SLCO1C1: variants seen among roughly 807,000 people sequenced by gnomAD.
SLCO1C1 encodes the protein OAT-RP-5.
SLCO1C1 carries 70 observed loss-of-function variants against 76.4 expected under a neutral mutation model. That is an observed-to-expected ratio of 0.92 (90% CI 0.76 to 1.12). The LOEUF (loss-of-function observed/expected upper bound fraction) is 1.12. Among genes scored for constraint, SLCO1C1 ranks in the 50% most tolerant of loss-of-function variants. The probability of loss-of-function intolerance (pLI) is 0.00; values close to 1 mark genes in which losing one functional copy is unlikely to be tolerated. For synonymous variants in SLCO1C1, 306 were observed against 286.1 expected (o/e 1.07, Z -0.70); for missense variants, 912 against 823.8 (o/e 1.11, Z -1.31).
At chr12:20,704,332 A>G (rs1423206673) in intron 3 of SLCO1C1, among the ~76,000 whole-genome samples, 4 of 86,142 alleles carry the variant, frequency 4.6e-5, no homozygotes, top group Non-Finnish European at 1.0e-4. Context: ...TAGCTTGTAA[A>G]CAGAAGTGTT....
Position 20,740,331 on chromosome 12 carries a change from T to A in SLCO1C1, c.1696T>A (p.Ser566Thr). The A allele has an allele frequency of 6.2e-7, 1 of 1,613,658 alleles. No individual in the cohort carries two copies. Among genetic ancestry groups the A allele is most frequent in the Non-Finnish European group, 8.5e-7 (1 of 1,179,844 alleles). ...TTCAGTCATCACATCCTATACTTTA[T>A]CCCTAGGTGGCATACCTGGATACAT... is the stretch of plus-strand genomic sequence containing the variant. Reference protein sequence around the residue: ...VISVITSYTLSLGGIPGYILL... With the variant: ...VISVITSYTLTLGGIPGYILL... The change falls in exon 12 of 15, where the codon TCC (serine) becomes ACC (threonine). Residue 566 changes from serine (S) to threonine (T), a missense_variant. Physicochemically the swap from Ser to Thr is moderately conservative, Grantham distance 58 (BLOSUM62 1). Coordinates refer to ENST00000266509, the MANE Select transcript of SLCO1C1 (RefSeq NM_017435.5).
chr12:20,698,228 T>A (rs1424803340), intron 1 of SLCO1C1, among the ~76,000 whole-genome samples: 1 of 152,006 alleles, frequency 6.6e-6, no homozygotes, highest in Non-Finnish European at 1.5e-5. Context: ...CATTATTAGC[T>A]CTTTGTTTTG....
chr12:20,740,442 C>A, intron 12 of SLCO1C1, 74 bp downstream of exon 12: 2 of 1,371,428 alleles, frequency 1.5e-6, no homozygotes, highest in Non-Finnish European at 2.0e-6. Flanking sequence ...AAATTTTTTT[C>A]TGTGGAGTCT....
chr12:20,708,924 A>G (rs1592235395), intron 4 of SLCO1C1, among the ~76,000 whole-genome samples: 1 of 152,180 alleles, frequency 6.6e-6, no homozygotes, highest in Admixed American at 6.5e-5. Flanking sequence ...TAAAGTTAGG[A>G]CAATTACAAG....
chr12:20,732,894 T>G lies in SLCO1C1; in HGVS notation c.1187-15T>G. 1 of 1,612,634 alleles carries G rather than the reference T, an allele frequency of 6.2e-7. No individual in the cohort carries two copies. The highest frequency in any genetic ancestry group is 8.5e-7 in the Non-Finnish European group (1 of 1,179,496). On this transcript the variant is annotated splice_polypyrimidine_tract_variant and intron_variant, in intron 9 of 14. Coordinates refer to ENST00000266509, the MANE Select transcript of SLCO1C1 (RefSeq NM_017435.5). The stretch of plus-strand genomic sequence containing the variant: ...TTAGAGATTCACAAAATGATATATT[T>G]TTCTTGTTTCTCAGGGCTCATCAAC...
chr12:20,748,188 T>C (rs1424113651), intron 13 of SLCO1C1, among the ~76,000 whole-genome samples: 2 of 152,194 alleles, frequency 1.3e-5, no homozygotes, highest in Non-Finnish European at 2.9e-5. Flanking sequence ...AGGTGATATA[T>C]CTCTAAAATC....
At chr12:20,744,347 G>A (rs1298550971) in intron 13 of SLCO1C1, among the ~76,000 whole-genome samples, 1 of 151,932 alleles carries the variant, frequency 6.6e-6, no homozygotes, top group East Asian at 1.9e-4. Context: ...AAACTGATTT[G>A]ACAAAAATAA....
intron 10 of SLCO1C1, among the ~76,000 whole-genome samples, chr12:20,734,291 A>G (rs1592303013): frequency 6.6e-6 from 1 of 152,154 alleles, no homozygotes; most frequent in South Asian, 2.1e-4. Flanking sequence ...TTCATAAATT[A>G]CGGCTTCTGG....
At chr12:20,723,276 G>A (rs1947773600) in intron 9 of SLCO1C1, 22 bp downstream of exon 9, 1 of 1,610,646 alleles carries the variant, frequency 6.2e-7, no homozygotes, top group Non-Finnish European at 8.5e-7. Context: ...TGCCTTTCAT[G>A]CTTTCTCAGA....
chr12:20,746,181 C>A (rs185122758), intron 13 of SLCO1C1, among the ~76,000 whole-genome samples: 65 of 152,044 alleles, frequency 4.3e-4, no homozygotes, highest in South Asian at 4.1e-4. Flanking sequence ...AGGAGACTGG[C>A]CTCAAGGTGA....
rs573559100 is a variant in SLCO1C1 at position 20,732,395 on chromosome 12, A to G, written c.1187-514A>G. Reference sequence around the variant, plus strand: ...TATTAACATATCAAATGCTTAGTTCAGTGGCTGGTACGTTATAGGCAAGTA... The same window carrying G: ...TATTAACATATCAAATGCTTAGTTCGGTGGCTGGTACGTTATAGGCAAGTA... On this transcript the variant is annotated intron_variant, in intron 9 of 14. Transcript: ENST00000266509. 2.6e-5 allele frequency among the ~76,000 whole-genome samples: 4 copies of G among 152,328 alleles called. No individual in the cohort carries two copies. In the South Asian group the frequency reaches 8.3e-4, roughly 32 times the overall value.
intron 2 of SLCO1C1, 109 bp downstream of exon 2, chr12:20,699,814 A>G: frequency 1.6e-6 from 2 of 1,262,594 alleles, no homozygotes; most frequent in Non-Finnish European, 1.0e-6. Context: ...AAAAAAAAAA[A>G]AGATCTTAGA....
In SLCO1C1 at chr12:20,723,391, A is replaced by G. The variant is rs1704994586; in HGVS notation, c.1186+137A>G. 1.3e-5 allele frequency: 14 copies of G among 1,040,962 alleles called. No individual in the cohort carries two copies. The South Asian group carries it at 2.4e-4, about 18-fold the overall frequency. 64.5% of individuals were successfully genotyped at this position (1,040,962 alleles called of 1,614,324 possible). On this transcript the variant is annotated intron_variant, in intron 9 of 14. Coordinates refer to ENST00000266509, the MANE Select transcript of SLCO1C1 (RefSeq NM_017435.5). ...TAGATGAGCTCAAAAAGTAACAAGA[A>G]TGTTGTAGCAAGAATTATTCACATC...
At chr12:20,713,788 T>C (rs1172118676) in intron 5 of SLCO1C1, among the ~76,000 whole-genome samples, 2 of 152,200 alleles carry the variant, frequency 1.3e-5, no homozygotes, top group African/African-American at 4.8e-5. Context: ...TGAAATATAG[T>C]TAGTGTGACA....
intron 5 of SLCO1C1, among the ~76,000 whole-genome samples, chr12:20,711,933 C>T (rs904052394): frequency 6.6e-6 from 1 of 152,124 alleles, no homozygotes; most frequent in African/African-American, 2.4e-5. Context: ...TGTCCGCAAC[C>T]TCCCTTTTTG....
intron 9 of SLCO1C1, among the ~76,000 whole-genome samples, chr12:20,726,521 G>A (rs986822773): frequency 1.3e-5 from 2 of 151,836 alleles, no homozygotes; most frequent in Admixed American, 6.6e-5. Flanking sequence ...TTAACTTTGT[G>A]GAAAAATATT....
chr12:20,718,056 T>A (rs561267192), intron 7 of SLCO1C1, among the ~76,000 whole-genome samples: 1 of 152,318 alleles, frequency 6.6e-6, no homozygotes, highest in Non-Finnish European at 1.5e-5. Flanking sequence ...TTAGTTCCCA[T>A]CCAATTATTT....
At chr12:20,715,712 AT>A (rs1309520698) in intron 6 of SLCO1C1, among the ~76,000 whole-genome samples, 2 of 152,190 alleles carry the variant, frequency 1.3e-5, no homozygotes, top group Non-Finnish European at 2.9e-5. Context: ...AGCCCTGATT[AT>A]TTAAAGCTAT....
chr12:20,705,667 T>C (rs948288345), intron 3 of SLCO1C1, among the ~76,000 whole-genome samples: 1 of 152,066 alleles, frequency 6.6e-6, no homozygotes, highest in Non-Finnish European at 1.5e-5. Context: ...CTTCTAGAAT[T>C]TGACTTACTG....
Sources: gnomAD v4.1 joint callset for allele counts (sites outside exome capture counted in the v4.1 genomes callset) on GRCh38, gnomAD v4.1.1 for gene constraint, MANE v1.5 for transcripts, NCBI Gene and HGNC (gene_info 2026-07-23, HGNC 2026-07-21) for gene names.